The following MICAL3 variants were observed in gnomAD, a reference collection of about 807,000 sequenced individuals.
The protein encoded by MICAL3 is [F-actin]-monooxygenase MICAL3.
A neutral mutation model predicts 207.4 loss-of-function variants in MICAL3; 62 were observed. The observed-to-expected ratio is 0.30, with a 90% CI of 0.24 to 0.37. The LOEUF is 0.37. MICAL3 is among the 10% of genes least tolerant of loss of function. The probability of loss-of-function intolerance (pLI) is 1.00; values close to 1 mark genes in which losing one functional copy is unlikely to be tolerated. For missense variants in MICAL3, 2,368 were observed against 2,635.6 expected (o/e 0.90, Z 2.22); for synonymous variants, 1,077 against 1,069.3 (o/e 1.01, Z -0.14).
intron 17 of MICAL3, among the ~76,000 whole-genome samples, chr22:17,871,107 C>T (rs1360247936): frequency 1.3e-5 from 2 of 152,236 alleles, no homozygotes; most frequent in Non-Finnish European, 2.9e-5. Context: ...CACGAAGTCC[C>T]TCCAGCATCC....
At position 17,896,278 on chromosome 22, in the gene MICAL3, T is replaced by G. The variant is rs1403568792; in HGVS notation, c.1290A>C (p.Leu430=). The change falls in exon 9 of 32, where the codon CTA becomes CTC. Residue 430 remains leucine, a synonymous_variant. Coordinates refer to ENST00000441493, the MANE Select transcript of MICAL3 (RefSeq NM_015241.3). ...CCAGCACTTCCAAAGGGCTCGTTCC[T>G]AGAGACCAACTTCGGACCATCCAGG... ...DSAWMVRSWS[L]GTSPLEVLAE... 6.4e-7 allele frequency: 1 copy of G among 1,558,940 alleles called. No individual in the cohort carries two copies. The highest frequency in any genetic ancestry group is 1.4e-5 in the African/African-American group (1 of 73,322).
intron 1 of MICAL3, among the ~76,000 whole-genome samples, chr22:17,926,913 T>C (rs1042860693): frequency 2.6e-5 from 4 of 152,112 alleles, no homozygotes; most frequent in African/African-American, 7.3e-5. Context: ...TTTTGGTTTA[T>C]TTTCTTATTG....
rs190347013 is a variant in MICAL3, at chr22:17,795,717, G to A, written c.5651-4416C>T. 2.2e-3 allele frequency among the ~76,000 whole-genome samples: 334 copies of A among 152,352 alleles called. 4 individuals carry two copies. Among genetic ancestry groups the A allele is most frequent in the African/African-American group, 7.7e-3 (321 of 41,574 alleles). ...TGAGCGGCCGGCGAGTCCGAGCTGC[G>A]CTGCGGGGCCGCTACCTTCGGACTT... On this transcript the variant is annotated intron_variant, in intron 29 of 31. Transcript: ENST00000441493.
Position 17,900,810 on chromosome 22 carries a change from T to C in MICAL3, c.847+32A>G. ...AGCCACCAGGGACTATTTAAGTTTC[T>C]ATCCTAGGGCTCCGGAGACATCAAC... On this transcript the variant is annotated intron_variant, in intron 6 of 31. Coordinates refer to ENST00000441493, the MANE Select transcript of MICAL3 (RefSeq NM_015241.3). The surrounding 1 kb of genome is among the most constrained non-coding windows in gnomAD (Gnocchi z 4.0). The C allele has an allele frequency of 6.2e-7, 1 of 1,607,420 alleles. No homozygotes were observed. Among genetic ancestry groups the C allele is most frequent in the Non-Finnish European group, 8.5e-7 (1 of 1,175,826 alleles).
At chr22:17,920,303 C>T (rs1263802977) in intron 1 of MICAL3, among the ~76,000 whole-genome samples, 2 of 152,210 alleles carry the variant, frequency 1.3e-5, no homozygotes, top group African/African-American at 4.8e-5. Flanking sequence ...CTGCCTTCTA[C>T]AATACCCCAC....
intron 1 of MICAL3, among the ~76,000 whole-genome samples, chr22:18,012,425 A>C (rs1222513914): frequency 6.6e-6 from 1 of 152,054 alleles, no homozygotes; most frequent in Non-Finnish European, 1.5e-5. Flanking sequence ...ACCCTCTTTC[A>C]AACTTTTGGA....
intron 29 of MICAL3, among the ~76,000 whole-genome samples, chr22:17,798,765 C>T (rs1290218512): frequency 6.6e-6 from 1 of 151,320 alleles, no homozygotes; most frequent in Non-Finnish European, 1.5e-5. Flanking sequence ...GCTCCGCCTC[C>T]CGGGTTCACG....
chr22:18,000,621 G>A (rs986201959), intron 1 of MICAL3, among the ~76,000 whole-genome samples: 3 of 152,184 alleles, frequency 2.0e-5, no homozygotes, highest in Non-Finnish European at 4.4e-5. Flanking sequence ...GGCTCCTCAA[G>A]ATGGTTTCTT....
intron 1 of MICAL3, among the ~76,000 whole-genome samples, chr22:17,998,698 T>C (rs1160652971): frequency 2.0e-5 from 3 of 151,908 alleles, no homozygotes; most frequent in Non-Finnish European, 4.4e-5. Flanking sequence ...GTAGCTGGGA[T>C]TACAGGCGCG....
At chr22:17,804,121 G>A (rs926962074) in intron 29 of MICAL3, among the ~76,000 whole-genome samples, 3 of 152,166 alleles carry the variant, frequency 2.0e-5, no homozygotes, top group Admixed American at 6.5e-5. Context: ...GGAGTCAATG[G>A]TCACTATCAA....
intron 1 of MICAL3, among the ~76,000 whole-genome samples, chr22:17,919,261 T>C (rs186683105): frequency 2.1e-3 from 327 of 152,290 alleles, no homozygotes; most frequent in Non-Finnish European, 3.6e-3. Flanking sequence ...ATAGGGCCTA[T>C]GTTGCCCAGG....
chr22:17,872,845 T>C, intron 16 of MICAL3: 1 of 1,599,160 alleles, frequency 6.3e-7, no homozygotes, highest in Non-Finnish European at 8.6e-7. Flanking sequence ...GTGTACATCT[T>C]TATATACTTC....
chr22:17,853,874 A>G (rs984139202), intron 19 of MICAL3, among the ~76,000 whole-genome samples: 1 of 152,166 alleles, frequency 6.6e-6, no homozygotes, highest in Admixed American at 6.5e-5. Flanking sequence ...AATGATCTGC[A>G]CCCGCCCGTC....
intron 16 of MICAL3, among the ~76,000 whole-genome samples, chr22:17,885,647 G>A (rs1195808745): frequency 1.3e-5 from 2 of 152,118 alleles, no homozygotes; most frequent in Non-Finnish European, 2.9e-5. Flanking sequence ...TCCCTCTGCT[G>A]ATTCTTGTCA....
chr22:17,816,962 G>C (rs1441479014), intron 26 of MICAL3, among the ~76,000 whole-genome samples, 178 bp from the exon 27 acceptor site: 4 of 152,262 alleles, frequency 2.6e-5, no homozygotes, highest in African/African-American at 9.6e-5. Context: ...CTTTGCCTGG[G>C]CAGGGCAGAG....
At chr22:17,864,013 C>A in intron 19 of MICAL3, 7 of 985,518 alleles carry the variant, frequency 7.1e-6, no homozygotes, top group Non-Finnish European at 8.4e-6. Context: ...GGCCGTGAAC[C>A]ACCTGGAGCT....
intron 19 of MICAL3, chr22:17,861,710 T>C: frequency 1.0e-6 from 1 of 985,258 alleles, no homozygotes; most frequent in Non-Finnish European, 1.2e-6. Flanking sequence ...TAACACGCAG[T>C]AGTAAGTATA....
chr22:17,968,260 C>T (rs1317681282), intron 1 of MICAL3, among the ~76,000 whole-genome samples: 1 of 152,070 alleles, frequency 6.6e-6, no homozygotes, highest in Non-Finnish European at 1.5e-5. Flanking sequence ...CAGTGCCGAG[C>T]CCTGCCTCTG....
chr22:17,821,940 C>T lies in MICAL3; in HGVS notation c.3448+90G>A, dbSNP rs553885945. On this transcript the variant is annotated intron_variant, in intron 24 of 31. Coordinates refer to ENST00000441493, the MANE Select transcript of MICAL3 (RefSeq NM_015241.3). ...GGCTGGTGTGCACCATGGCTCTGCT[C>T]TGAAGCGCCTGGCCCCTGAGCCACT... 1.6e-3 allele frequency: 2,475 copies of T among 1,522,884 alleles called. 29 individuals carry two copies. The Middle Eastern group carries it at 0.022, about 14-fold the overall frequency. The allele number at this position is 1,522,884 out of a possible 1,614,324, so 94.3% of individuals were successfully genotyped here.
Sources: gnomAD v4.1 joint callset for allele counts (sites outside exome capture counted in the v4.1 genomes callset) on GRCh38, gnomAD v4.1.1 for gene constraint, Gnocchi (gnomAD v3.1) non-coding constraint, MANE v1.5 for transcripts, NCBI Gene and HGNC (gene_info 2026-07-23, HGNC 2026-07-21) for gene names.